Variants in FAM53A observed in about 807,000 individuals in gnomAD.
The protein encoded by FAM53A is family with sequence similarity 53 member A, also known as protein FAM53A.
Under a neutral mutation model 26.6 loss-of-function variants are expected in FAM53A, and 28 were observed. The ratio of observed to expected loss-of-function variants is 1.05; its 90% CI spans 0.78 to 1.45. FAM53A has a LOEUF of 1.45. Ranked by LOEUF, FAM53A falls within the 40% of genes most tolerant of loss-of-function variation. The pLI is 0.00. For missense variants in FAM53A, 650 were observed against 575.8 expected, an observed-to-expected ratio of 1.13 and a Z score of -1.32; for synonymous variants, 290 against 253.1, an observed-to-expected ratio of 1.15 and a Z score of -1.38.
chr4:1,580,470 G>T, the FAM53A span, among the ~76,000 whole-genome samples: 2 of 152,130 alleles, frequency 1.3e-5, no homozygotes, highest in Admixed American at 1.3e-4. Flanking sequence ...AAGCTAGGGA[G>T]AAAGCATCCC....
At chr4:1,644,248 G>T (rs757367301) in intron 4 of FAM53A, 1 of 1,535,982 alleles carries the variant, frequency 6.5e-7, no homozygotes, top group South Asian at 1.2e-5. Context: ...ATTCAGAGTC[G>T]ACCCTCTGGA....
chr4:1,611,741 C>A, the FAM53A span, among the ~76,000 whole-genome samples: 1 of 152,220 alleles, frequency 6.6e-6, no homozygotes, highest in Non-Finnish European at 1.5e-5. Flanking sequence ...GGCCCCCCAC[C>A]CTGGCCATGC....
chr4:1,577,298 G>C, the FAM53A span, among the ~76,000 whole-genome samples: 4 of 152,220 alleles, frequency 2.6e-5, no homozygotes, highest in Admixed American at 2.6e-4. Flanking sequence ...CCAGGGGAAG[G>C]TGGCCTTGGG....
the FAM53A span, among the ~76,000 whole-genome samples, chr4:1,579,003 G>A: frequency 6.7e-6 from 1 of 150,190 alleles, no homozygotes; most frequent in Non-Finnish European, 1.5e-5. Context: ...ACACCCCTAG[G>A]CCCCCCACCC....
Position 1,621,326 on chromosome 4 carries a change from G to A in FAM53A, c.432-3215C>T, listed in dbSNP as rs191886312. Among the ~76,000 whole-genome samples the A allele has an allele frequency of 3.5e-3, 537 of 152,116 alleles. 6 individuals carry two copies. The highest frequency in any genetic ancestry group is 3.5e-3 in the Non-Finnish European group (239 of 67,986). ...TCACCATGTTAGCCGGGATGGTCTCGATCTCCTGACCTCGTGATCCACCCG... is the reference window on the plus strand; with the variant it reads ...TCACCATGTTAGCCGGGATGGTCTCAATCTCCTGACCTCGTGATCCACCCG... On this transcript the variant is annotated intron_variant, in intron 1 of 1. Transcript: ENST00000489029.
chr4:1,591,383 G>A, the FAM53A span, among the ~76,000 whole-genome samples: 34 of 152,216 alleles, frequency 2.2e-4, no homozygotes, highest in African/African-American at 8.2e-4. Flanking sequence ...TCCGGGACCT[G>A]TGATGCACCT....
intron 4 of FAM53A, among the ~76,000 whole-genome samples, chr4:1,652,651 AATACACCACAT>A (rs1267666423): frequency 4.3e-4 from 63 of 145,194 alleles, no homozygotes; most frequent in Middle Eastern, 3.7e-3. Flanking sequence ...AGACATATCC[AATACACCACAT>A]ATACACCACA....
chr4:1,630,163 G>T lies in FAM53A; in HGVS notation c.432-12052C>A, dbSNP rs991327106. Among the ~76,000 whole-genome samples, 2 of 152,178 alleles carry T rather than the reference G, an allele frequency of 1.3e-5. No individual in the cohort carries two copies. Among genetic ancestry groups the T allele is most frequent in the African/African-American group, 2.4e-5 (1 of 41,452 alleles). ...GGGGACCAACTCCTCACACACAGGG[G>T]TAGGTCATCCCCTTCCAAGCTGTCG... On this transcript the variant is annotated intron_variant, in intron 1 of 1. Transcript: ENST00000489029. This position sits in a 1 kb window ranked among gnomAD's most constrained non-coding sequence, Gnocchi z 4.3.
At chr4:1,600,040 T>A in the FAM53A span, among the ~76,000 whole-genome samples, 883 of 151,734 alleles carry the variant, frequency 5.8e-3, 11 homozygotes, top group African/African-American at 0.02. Context: ...TTTCACTGGG[T>A]GCTATGGTTG....
At chr4:1,577,521 C>T in the FAM53A span, among the ~76,000 whole-genome samples, 2 of 152,220 alleles carry the variant, frequency 1.3e-5, no homozygotes, top group African/African-American at 4.8e-5. Context: ...AGCACCTCCT[C>T]AAAGGCCTTT....
chr4:1,595,593 A>C, the FAM53A span, among the ~76,000 whole-genome samples: 1 of 152,194 alleles, frequency 6.6e-6, no homozygotes, highest in Non-Finnish European at 1.5e-5. Context: ...AGACAAAAAA[A>C]CAGCACCAAG....
the FAM53A span, among the ~76,000 whole-genome samples, chr4:1,581,327 C>G: frequency 7.9e-5 from 12 of 152,116 alleles, no homozygotes; most frequent in African/African-American, 2.9e-4. Flanking sequence ...ACCCTGGCCT[C>G]GCCTCCTGTG....
intron 4 of FAM53A, among the ~76,000 whole-genome samples, chr4:1,642,734 C>T (rs2108813065): frequency 6.6e-6 from 1 of 152,074 alleles, no homozygotes; most frequent in Middle Eastern, 3.4e-3. Context: ...CCGTCCATGC[C>T]ACTCGTCCAC....
At chr4:1,617,368 T>A (rs1714847733), downstream of FAM53A, among the ~76,000 whole-genome samples, 1 of 152,184 alleles carries the variant, frequency 6.6e-6, no homozygotes, top group Admixed American at 6.5e-5. Flanking sequence ...TTATTACTTA[T>A]ACGTGGCTCA....
chr4:1,622,496 C>T (rs7694041), intron 1 of FAM53A, among the ~76,000 whole-genome samples: 31,391 of 152,268 alleles, frequency 0.21, 3,846 homozygotes, highest in Non-Finnish European at 0.28. Flanking sequence ...AGGGCACTGC[C>T]GCTGAGGGGC....
chr4:1,651,379 A>G (rs1267779876), intron 4 of FAM53A, among the ~76,000 whole-genome samples: 1 of 151,816 alleles, frequency 6.6e-6, no homozygotes, highest in Non-Finnish European at 1.5e-5. Flanking sequence ...TAAAAATACA[A>G]ATATTAGCCA....
chr4:1,657,707 G>A (rs1021838820), intron 2 of FAM53A, among the ~76,000 whole-genome samples: 15 of 150,710 alleles, frequency 1.0e-4, no homozygotes, highest in South Asian at 2.1e-4. Flanking sequence ...GCGCGATCTC[G>A]GCTCACTGCA....
the FAM53A span, among the ~76,000 whole-genome samples, chr4:1,576,639 G>A: frequency 2.6e-5 from 4 of 152,214 alleles, no homozygotes; most frequent in African/African-American, 7.2e-5. Context: ...TGAACGTTAC[G>A]GTAAATCTGC....
chr4:1,670,370 C>T (rs527808802), intron 1 of FAM53A, among the ~76,000 whole-genome samples: 171 of 152,376 alleles, frequency 1.1e-3, no homozygotes, highest in African/African-American at 3.6e-3. Context: ...AACACAGCAG[C>T]GACGCGCACA....
Sources: gnomAD v4.1 joint callset for allele counts (sites outside exome capture counted in the v4.1 genomes callset) on GRCh38, gnomAD v4.1.1 for gene constraint, Gnocchi (gnomAD v3.1) non-coding constraint, MANE v1.5 for transcripts, NCBI Gene and HGNC (gene_info 2026-07-23, HGNC 2026-07-21) for gene names.